The following PLCB1 variants were observed in gnomAD, a reference collection of about 807,000 sequenced individuals.
The protein encoded by PLCB1 is 1-phosphatidylinositol 4,5-bisphosphate phosphodiesterase beta-1.
PLCB1 carries 46 observed loss-of-function variants against 161.8 expected under a neutral mutation model. The ratio of observed to expected loss-of-function variants is 0.28; its 90% CI spans 0.22 to 0.36. PLCB1 has a LOEUF of 0.36. Among genes scored for constraint, PLCB1 ranks in the 10% least tolerant of loss-of-function variants. PLCB1 has a pLI of 1.00. For synonymous variants in PLCB1, 517 were observed against 503.7 expected (o/e 1.03, Z -0.35); for missense variants, 1,016 against 1,472.5 (o/e 0.69, Z 5.07).
At chr20:8,719,325 A>G (rs1979501018) in intron 14 of PLCB1, among the ~76,000 whole-genome samples, 1 of 152,204 alleles carries the variant, frequency 6.6e-6, no homozygotes, top group Non-Finnish European at 1.5e-5. Flanking sequence ...CTTGCTAAAG[A>G]TGTGTATTTA....
intron 31 of PLCB1, among the ~76,000 whole-genome samples, chr20:8,812,075 A>G (rs1238936744): frequency 6.6e-6 from 1 of 152,166 alleles, no homozygotes; most frequent in African/African-American, 2.4e-5. Context: ...AAATTTTTCA[A>G]ATTCCTTTAA....
intron 3 of PLCB1, among the ~76,000 whole-genome samples, chr20:8,409,615 A>G (rs778948292): frequency 3.2e-4 from 48 of 151,648 alleles, no homozygotes; most frequent in Admixed American, 4.6e-4. Flanking sequence ...GGCGCCCACC[A>G]CCACGCCTGG....
At chr20:8,572,160 C>CA (rs1986542918) in intron 3 of PLCB1, among the ~76,000 whole-genome samples, 3 of 152,136 alleles carry the variant, frequency 2.0e-5, no homozygotes. Context: ...ATACAATTCA[C>CA]ATTTCATAGA....
chr20:8,489,538 G>A (rs1982862112), intron 3 of PLCB1, among the ~76,000 whole-genome samples: 2 of 152,224 alleles, frequency 1.3e-5, no homozygotes, highest in Middle Eastern at 3.4e-3. Flanking sequence ...AATTCTTGGA[G>A]TCCAAAAGGT....
At chr20:8,499,025 C>T (rs1983295196) in intron 3 of PLCB1, among the ~76,000 whole-genome samples, 1 of 152,188 alleles carries the variant, frequency 6.6e-6, no homozygotes, top group Non-Finnish European at 1.5e-5. Context: ...TCCTGTACCA[C>T]TTGTCAAGGT....
At chr20:8,702,357 G>A (rs1277925743) in intron 11 of PLCB1, among the ~76,000 whole-genome samples, 2 of 151,954 alleles carry the variant, frequency 1.3e-5, no homozygotes, top group Non-Finnish European at 2.9e-5. Flanking sequence ...CTCCTTCCCA[G>A]GGTGGTTTTT....
chr20:8,322,226 C>T (rs1984951977), intron 2 of PLCB1, among the ~76,000 whole-genome samples: 1 of 152,104 alleles, frequency 6.6e-6, no homozygotes, highest in South Asian at 2.1e-4. Context: ...CAGATAATCT[C>T]CCTCCACTTC....
chr20:8,144,643 A>G lies in PLCB1; in HGVS notation c.100-5651A>G, dbSNP rs1490005851. ...CCAAGACTACGTTTATAATGTTTTC[A>G]TTTCATAGTCAGGGCTGTATTGCTC... is the stretch of plus-strand genomic sequence containing the variant. On this transcript the variant is annotated intron_variant, in intron 1 of 31. Transcript: ENST00000338037. 3.9e-5 allele frequency among the ~76,000 whole-genome samples: 6 copies of G among 152,168 alleles called. No individual in the cohort carries two copies. The South Asian group carries it at 1.0e-3, about 26-fold the overall frequency.
intron 3 of PLCB1, chr20:8,625,341 T>TG: frequency 6.6e-6 from 1 of 152,290 alleles, no homozygotes; most frequent in Middle Eastern, 3.4e-3. Flanking sequence ...GTCTACCCCT[T>TG]GCGTATCAAT....
chr20:8,230,684 T>C (rs149748932), intron 2 of PLCB1, among the ~76,000 whole-genome samples: 1 of 152,110 alleles, frequency 6.6e-6, no homozygotes, highest in Non-Finnish European at 1.5e-5. Context: ...TTAAAAATCA[T>C]TTAAAGTTCA....
At chr20:8,456,818 C>T (rs148160191) in intron 3 of PLCB1, among the ~76,000 whole-genome samples, 162 of 152,280 alleles carry the variant, frequency 1.1e-3, no homozygotes, top group African/African-American at 3.8e-3. Context: ...CTGTAACTCA[C>T]ATGGGAGAAG....
At chr20:8,788,188 A>G (rs1983580572) in intron 27 of PLCB1, among the ~76,000 whole-genome samples, 1 of 152,202 alleles carries the variant, frequency 6.6e-6, no homozygotes, top group Non-Finnish European at 1.5e-5. Flanking sequence ...GCTGGGCTAT[A>G]ATAACTGCCA....
At chr20:8,317,115 G>A (rs778216528) in intron 2 of PLCB1, among the ~76,000 whole-genome samples, 1 of 152,088 alleles carries the variant, frequency 6.6e-6, no homozygotes, top group African/African-American at 2.4e-5. Context: ...GAGCTGGGAG[G>A]CCATGACAGT....
At chr20:8,773,629 G>A (rs1982801098) in intron 26 of PLCB1, among the ~76,000 whole-genome samples, 1 of 152,144 alleles carries the variant, frequency 6.6e-6, no homozygotes, top group Admixed American at 6.5e-5. Flanking sequence ...CAGTGAAGTT[G>A]GTGAAGCCTC....
chr20:8,838,069 A>C (rs933011641), intron 31 of PLCB1, among the ~76,000 whole-genome samples: 1 of 17,352 alleles, frequency 5.8e-5, no homozygotes, highest in African/African-American at 8.5e-5. Flanking sequence ...TTTCTATGTC[A>C]AATAAAAAAA....
intron 3 of PLCB1, among the ~76,000 whole-genome samples, chr20:8,553,495 G>A (rs1306014879): frequency 6.6e-6 from 1 of 152,102 alleles, no homozygotes; most frequent in Non-Finnish European, 1.5e-5. Context: ...TTTAAAAATA[G>A]ATTCTTATTA....
At chr20:8,732,727 AAT>A (rs1416573947) in intron 18 of PLCB1, among the ~76,000 whole-genome samples, 4 of 143,372 alleles carry the variant, frequency 2.8e-5, no homozygotes, top group South Asian at 2.1e-4. Context: ...TAATATATCT[AAT>A]ATATATTAGA....
chr20:8,527,812 TTTAA>T (rs1266636182), intron 3 of PLCB1, among the ~76,000 whole-genome samples: 1 of 152,112 alleles, frequency 6.6e-6, no homozygotes, highest in Non-Finnish European at 1.5e-5. Flanking sequence ...CAACAATTTT[TTTAA>T]TTAATTGAAA....
intron 3 of PLCB1, among the ~76,000 whole-genome samples, chr20:8,385,597 G>T (rs1851689665): frequency 6.6e-6 from 1 of 152,264 alleles, no homozygotes; most frequent in African/African-American, 2.4e-5. Flanking sequence ...CTGAGAGGCT[G>T]TTGAGAATCT....
Sources: gnomAD v4.1 joint callset for allele counts (sites outside exome capture counted in the v4.1 genomes callset) on GRCh38, gnomAD v4.1.1 for gene constraint, MANE v1.5 for transcripts, NCBI Gene and HGNC (gene_info 2026-07-23, HGNC 2026-07-21) for gene names.